CAMK2D: variants seen among roughly 807,000 people sequenced by gnomAD.
CAMK2D encodes calcium/calmodulin dependent protein kinase II delta.
In CAMK2D, 37 loss-of-function variants were observed where a neutral mutation model predicts 84.0. The ratio of observed to expected loss-of-function variants is 0.44; its 90% CI spans 0.34 to 0.58. CAMK2D has a LOEUF of 0.58. Ranked by LOEUF, CAMK2D falls within the 20% of genes least tolerant of loss-of-function variation. CAMK2D has a pLI of 0.02. For synonymous variants in CAMK2D, 202 were observed against 212.5 expected, an observed-to-expected ratio of 0.95 and a Z score of 0.43; for missense variants, 448 against 652.5, an observed-to-expected ratio of 0.69 and a Z score of 3.41.
chr4:113,717,769 A>G (rs1280543116), intron 2 of CAMK2D, among the ~76,000 whole-genome samples: 1 of 152,112 alleles, frequency 6.6e-6, no homozygotes. Flanking sequence ...TAGTTAAATA[A>G]TTAAACCTTA....
intron 4 of CAMK2D, among the ~76,000 whole-genome samples, chr4:113,580,789 G>C (rs921836150): frequency 2.0e-5 from 3 of 151,880 alleles, no homozygotes; most frequent in Admixed American, 2.0e-4. Flanking sequence ...TGAGTGCAAT[G>C]AATACCACAT....
intron 8 of CAMK2D, among the ~76,000 whole-genome samples, chr4:113,525,851 A>G (rs75655856): frequency 0.023 from 3,428 of 152,224 alleles, 138 homozygotes; most frequent in African/African-American, 0.078. Flanking sequence ...ATAAGTCACT[A>G]CTTAATTGGC....
At chr4:113,709,763 A>AGTATATATATATATATAATATATATAC (rs1212757470) in intron 2 of CAMK2D, among the ~76,000 whole-genome samples, 1 of 116,660 alleles carries the variant, frequency 8.6e-6, no homozygotes, top group African/African-American at 3.9e-5. Flanking sequence ...ATATATATAT[A>AGTATATATATATATATAATATATATAC]TATATATATA....
At chr4:113,455,412 G>A (rs940066144) in intron 20 of CAMK2D, among the ~76,000 whole-genome samples, 3 of 152,154 alleles carry the variant, frequency 2.0e-5, no homozygotes, top group African/African-American at 7.2e-5. Flanking sequence ...CCGGATAATT[G>A]AGAGTTATCT....
chr4:113,544,983 T>G (rs1161776797), intron 6 of CAMK2D, among the ~76,000 whole-genome samples: 1 of 152,216 alleles, frequency 6.6e-6, no homozygotes, highest in African/African-American at 2.4e-5. Flanking sequence ...AATTTCCCAC[T>G]GTCTAATGAG....
intron 2 of CAMK2D, among the ~76,000 whole-genome samples, chr4:113,671,182 T>C (rs937123187): frequency 2.0e-5 from 3 of 152,346 alleles, no homozygotes; most frequent in Middle Eastern, 3.4e-3. Context: ...AGGAAAATTT[T>C]CCTTAGGTAG....
chr4:113,496,902 T>C (rs545593186), intron 16 of CAMK2D, among the ~76,000 whole-genome samples: 1 of 152,298 alleles, frequency 6.6e-6, no homozygotes, highest in Admixed American at 6.5e-5. Context: ...GTCAACACAT[T>C]GCCTTGGAGA....
chr4:113,587,538 T>G (rs562820785), intron 4 of CAMK2D, among the ~76,000 whole-genome samples: 1 of 152,274 alleles, frequency 6.6e-6, no homozygotes, highest in Non-Finnish European at 1.5e-5. Context: ...TATTTTTTGC[T>G]TTCTTTAGGA....
chr4:113,760,683 G>T (rs1033512916), intron 1 of CAMK2D, among the ~76,000 whole-genome samples: 9 of 152,112 alleles, frequency 5.9e-5, no homozygotes, highest in African/African-American at 2.2e-4. Flanking sequence ...ACACAGGCGC[G>T]CGCGCACACT....
chr4:113,668,508 T>G (rs1344877418), intron 2 of CAMK2D, among the ~76,000 whole-genome samples: 1 of 152,198 alleles, frequency 6.6e-6, no homozygotes, highest in African/African-American at 2.4e-5. Context: ...TTATTATTGC[T>G]AAAAATGTGT....
intron 2 of CAMK2D, among the ~76,000 whole-genome samples, chr4:113,699,695 T>G (rs1028290659): frequency 6.6e-6 from 1 of 152,214 alleles, no homozygotes; most frequent in African/African-American, 2.4e-5. Flanking sequence ...ATATACATAG[T>G]ACATACATTT....
chr4:113,668,767 C>T (rs1023789768), intron 2 of CAMK2D, among the ~76,000 whole-genome samples: 1 of 151,940 alleles, frequency 6.6e-6, no homozygotes, highest in Non-Finnish European at 1.5e-5. Context: ...ATAGTATATG[C>T]TAAACATCTC....
intron 8 of CAMK2D, among the ~76,000 whole-genome samples, chr4:113,528,062 A>G (rs2098434213): frequency 6.6e-6 from 1 of 152,138 alleles, no homozygotes; most frequent in South Asian, 2.1e-4. Context: ...GTAAAGAAAG[A>G]AAGCAGAGAG....
At chr4:113,560,995 C>T (rs1445783806) in intron 4 of CAMK2D, among the ~76,000 whole-genome samples, 1 of 151,980 alleles carries the variant, frequency 6.6e-6, no homozygotes, top group Non-Finnish European at 1.5e-5. Flanking sequence ...AAGGAGGACC[C>T]TACATAAATG....
chr4:113,463,033 ATTTC>A (rs2097409396), intron 17 of CAMK2D, among the ~76,000 whole-genome samples: 1 of 152,102 alleles, frequency 6.6e-6, no homozygotes, highest in Admixed American at 6.6e-5. Flanking sequence ...AATTTTTACT[ATTTC>A]TTTTATTCCA....
intron 3 of CAMK2D, among the ~76,000 whole-genome samples, chr4:113,649,983 G>A (rs1163249364): frequency 6.6e-6 from 1 of 152,146 alleles, no homozygotes; most frequent in African/African-American, 2.4e-5. Context: ...TCGGGAGGCT[G>A]AGGCAGGAGA....
At chr4:113,636,014 A>G (rs2099108640) in intron 3 of CAMK2D, among the ~76,000 whole-genome samples, 1 of 152,180 alleles carries the variant, frequency 6.6e-6, no homozygotes, top group Non-Finnish European at 1.5e-5. Flanking sequence ...CTGATTTTAT[A>G]TTCCCAACCC....
At chr4:113,578,446 C>T (rs1054121366) in intron 4 of CAMK2D, among the ~76,000 whole-genome samples, 1 of 152,152 alleles carries the variant, frequency 6.6e-6, no homozygotes, top group Admixed American at 6.5e-5. Flanking sequence ...TGTTCCATCT[C>T]GGAATTGTTT....
In CAMK2D at chr4:113,552,017, G is replaced by C; in HGVS notation, c.341+14C>G. ...ATGTTGAGTCTTGTATCTTGCCCAGGGCAAGTCACTTACCTGGCATCAGCT... is the reference window on the plus strand; with the variant it reads ...ATGTTGAGTCTTGTATCTTGCCCAGCGCAAGTCACTTACCTGGCATCAGCT... On this transcript the variant is annotated intron_variant, in intron 5 of 20. Coordinates refer to ENST00000511664, the MANE Select transcript of CAMK2D (RefSeq NM_001321571.2). The C allele has an allele frequency of 7.0e-7, 1 of 1,437,188 alleles. No homozygotes were observed. The highest frequency in any genetic ancestry group is 1.2e-5 in the South Asian group (1 of 81,994). The allele number at this position is 1,437,188 out of a possible 1,614,324, so 89.0% of individuals were successfully genotyped here. A position where few individuals can be genotyped will look rare whatever the true frequency, so the allele number is the denominator to read the frequency against.
Sources: allele counts gnomAD v4.1 joint callset (sites outside exome capture counted in the v4.1 genomes callset), GRCh38; gene constraint gnomAD v4.1.1; transcripts MANE v1.5; gene names NCBI Gene and HGNC (gene_info 2026-07-23, HGNC 2026-07-21).